CLIC5: variants seen among roughly 807,000 people sequenced by gnomAD.
The protein encoded by CLIC5 is CLIC family member 5.
A neutral mutation model predicts 24.7 loss-of-function variants in CLIC5; 20 were observed. The ratio of observed to expected loss-of-function variants is 0.81; its 90% CI spans 0.57 to 1.18. The LOEUF is 1.18. Among genes scored for constraint, CLIC5 ranks in the 50% most tolerant of loss-of-function variants. The pLI, the probability that CLIC5 is intolerant of heterozygous loss-of-function variation, is 0.00. For synonymous variants in CLIC5, 159 were observed against 135.6 expected (o/e 1.17, Z -1.20); for missense variants, 341 against 326.1 (o/e 1.05, Z -0.35).
intron 1 of CLIC5, among the ~76,000 whole-genome samples, chr6:45,990,868 C>T (rs1257412868): frequency 6.6e-6 from 1 of 152,214 alleles, no homozygotes; most frequent in Non-Finnish European, 1.5e-5. Context: ...AGACCGGGTT[C>T]TTCTCCTACC....
intron 4 of CLIC5, among the ~76,000 whole-genome samples, chr6:45,916,576 C>T (rs1384737903): frequency 6.6e-6 from 1 of 152,094 alleles, no homozygotes; most frequent in Non-Finnish European, 1.5e-5. Context: ...GGAGATGAGA[C>T]ATTGCAGGTT....
intron 1 of CLIC5, among the ~76,000 whole-genome samples, chr6:45,968,735 A>C (rs1198908155): frequency 6.6e-6 from 1 of 152,226 alleles, no homozygotes; most frequent in African/African-American, 2.4e-5. Flanking sequence ...CGTTAATATG[A>C]GTGCTATGAA....
At chr6:45,914,599 G>A in intron 4 of CLIC5, 190 bp from the exon 5 acceptor site, 6 of 1,139,962 alleles carry the variant, frequency 5.3e-6, no homozygotes, top group Non-Finnish European at 6.6e-6. Flanking sequence ...GGCTGAAAAG[G>A]CAAACTCTAA....
At chr6:46,040,221 T>C (rs181714945) in intron 1 of CLIC5, among the ~76,000 whole-genome samples, 1,799 of 152,240 alleles carry the variant, frequency 0.012, 29 homozygotes, top group African/African-American at 0.04. Flanking sequence ...ATGGTGGTGG[T>C]GAAAATGATG....
chr6:46,039,761 C>T (rs538282012), intron 1 of CLIC5, among the ~76,000 whole-genome samples: 60 of 152,278 alleles, frequency 3.9e-4, no homozygotes, highest in African/African-American at 1.3e-3. Flanking sequence ...GGTCAGTATT[C>T]AGCTTTTCTT....
At chr6:45,978,623 T>C (rs1272913170) in intron 1 of CLIC5, among the ~76,000 whole-genome samples, 3 of 152,104 alleles carry the variant, frequency 2.0e-5, no homozygotes, top group African/African-American at 7.2e-5. Context: ...TAGTGTAGGG[T>C]CCACACTTGG....
At chr6:46,046,926 A>G (rs1277602646) in intron 1 of CLIC5, among the ~76,000 whole-genome samples, 1 of 152,222 alleles carries the variant, frequency 6.6e-6, no homozygotes, top group Non-Finnish European at 1.5e-5. Context: ...GAAGCTTGGA[A>G]TACTCTGACC....
intron 1 of CLIC5, among the ~76,000 whole-genome samples, chr6:45,995,390 T>G (rs1475770006): frequency 6.6e-6 from 1 of 152,252 alleles, no homozygotes; most frequent in Non-Finnish European, 1.5e-5. Context: ...TTGATTTCAC[T>G]CAGTGAGAAG....
chr6:45,916,799 CTG>C (rs1763049123), intron 4 of CLIC5, among the ~76,000 whole-genome samples: 1 of 152,222 alleles, frequency 6.6e-6, no homozygotes. Context: ...CATGTTGCAA[CTG>C]TGACATTCCA....
intron 1 of CLIC5, among the ~76,000 whole-genome samples, chr6:46,005,204 T>G (rs1427001069): frequency 6.6e-6 from 1 of 152,256 alleles, no homozygotes. Context: ...GGTTCCCAGT[T>G]GGACTCCATT....
intron 6 of CLIC5, among the ~76,000 whole-genome samples, chr6:45,892,642 G>C (rs1230334571): frequency 6.6e-6 from 1 of 152,208 alleles, no homozygotes; most frequent in Non-Finnish European, 1.5e-5. Context: ...TTACTCTCAG[G>C]ATGCCTCCTG....
chr6:46,106,214 G>GC, the CLIC5 span, among the ~76,000 whole-genome samples: 1 of 152,034 alleles, frequency 6.6e-6, no homozygotes, highest in East Asian at 1.9e-4. Flanking sequence ...AGTGATTGAG[G>GC]TTCCTACCTC....
At chr6:46,047,700 G>A (rs931556547) in intron 1 of CLIC5, among the ~76,000 whole-genome samples, 7 of 152,054 alleles carry the variant, frequency 4.6e-5, no homozygotes, top group Non-Finnish European at 7.4e-5. Flanking sequence ...GCAGTTTTAC[G>A]TCCCAACTAT....
At chr6:45,909,027 G>A (rs929196064) in intron 5 of CLIC5, among the ~76,000 whole-genome samples, 10 of 151,064 alleles carry the variant, frequency 6.6e-5, no homozygotes, top group Non-Finnish European at 1.2e-4. Context: ...ATTATGTAAT[G>A]CCCTTCTTTG....
At chr6:46,036,510 C>A (rs1767665670) in intron 1 of CLIC5, among the ~76,000 whole-genome samples, 1 of 152,072 alleles carries the variant, frequency 6.6e-6, no homozygotes, top group African/African-American at 2.4e-5. Flanking sequence ...CGGGGTTTCA[C>A]CATGTTAGCC....
intron 1 of CLIC5, among the ~76,000 whole-genome samples, chr6:45,982,591 A>C (rs1041310460): frequency 2.0e-5 from 3 of 152,150 alleles, no homozygotes; most frequent in South Asian, 4.2e-4. Context: ...ACTGTAACAC[A>C]AGGGTAAGTG....
chr6:45,911,772 T>C, intron 5 of CLIC5: 3 of 985,484 alleles, frequency 3.0e-6, no homozygotes, highest in Non-Finnish European at 3.6e-6. Flanking sequence ...GTCACTATGC[T>C]AGGCAAGGAT....
intron 4 of CLIC5, among the ~76,000 whole-genome samples, chr6:45,923,656 A>G (rs1222531880): frequency 6.6e-6 from 1 of 152,224 alleles, no homozygotes; most frequent in Non-Finnish European, 1.5e-5. Flanking sequence ...CTGATGGGGA[A>G]GGTGGGAAGT....
At chr6:46,081,703 A>T (rs1369148279), upstream of CLIC5, among the ~76,000 whole-genome samples, 1 of 152,214 alleles carries the variant, frequency 6.6e-6, no homozygotes, top group Non-Finnish European at 1.5e-5. Context: ...GTGAAAACCT[A>T]AGAGATCATT....
Sources: gnomAD v4.1 joint callset for allele counts (sites outside exome capture counted in the v4.1 genomes callset) on GRCh38, gnomAD v4.1.1 for gene constraint, MANE v1.5 for transcripts, NCBI Gene and HGNC (gene_info 2026-07-23, HGNC 2026-07-21) for gene names.